Variants in NDRG1 observed in about 807,000 individuals in gnomAD.
The protein encoded by NDRG1 is protein NDRG1.
Under a neutral mutation model 56.9 loss-of-function variants are expected in NDRG1, and 32 were observed. The ratio of observed to expected loss-of-function variants is 0.56; its 90% CI spans 0.42 to 0.76. The LOEUF (loss-of-function observed/expected upper bound fraction) is 0.76, where lower values mean the gene tolerates loss of function less well. Ranked by LOEUF, NDRG1 falls within the 30% of genes least tolerant of loss-of-function variation. The probability of loss-of-function intolerance (pLI) is 0.00; values close to 1 mark genes in which losing one functional copy is unlikely to be tolerated. For missense variants in NDRG1, 507 were observed against 545.7 expected (o/e 0.93, Z 0.71); for synonymous variants, 211 against 204.1 (o/e 1.03, Z -0.29).
chr8:133,240,882 A>G (rs1354995669), intron 15 of NDRG1: 1 of 152,222 alleles, frequency 6.6e-6, no homozygotes, highest in Non-Finnish European at 1.5e-5. Flanking sequence ...GCTGTCTCCA[A>G]TGACAACCTT....
At position 133,284,344 on chromosome 8, in the gene NDRG1, A is replaced by C; in HGVS notation, c.-18-15T>G. On this transcript the variant is annotated splice_polypyrimidine_tract_variant and intron_variant, in intron 1 of 15. Coordinates refer to ENST00000323851, the MANE Select transcript of NDRG1 (RefSeq NM_006096.4). Reference sequence around the variant, plus strand: ...CTGTCACCTGCCTGCAAGGAGACAAAGGCCAAAAGGTCAACACTTCCTGCT... The same window carrying C: ...CTGTCACCTGCCTGCAAGGAGACAACGGCCAAAAGGTCAACACTTCCTGCT... The C allele has an allele frequency of 6.2e-7, 1 of 1,613,608 alleles. No individual in the cohort carries two copies. The highest frequency in any genetic ancestry group is 1.1e-5 in the South Asian group (1 of 91,050).
At chr8:133,250,635 A>C (rs941858595) in intron 9 of NDRG1, 92 bp from the exon 10 acceptor site, 11 of 1,094,380 alleles carry the variant, frequency 1.0e-5, no homozygotes, top group Non-Finnish European at 1.5e-5. Flanking sequence ...TTTGGAGACA[A>C]AGTAAAGATA....
At chr8:133,251,792 A>T (rs183391172) in intron 9 of NDRG1, among the ~76,000 whole-genome samples, 2 of 152,360 alleles carry the variant, frequency 1.3e-5, no homozygotes, top group African/African-American at 4.8e-5. Flanking sequence ...TTGCAGGTGT[A>T]ATTAATTAAG....
intron 2 of NDRG1, among the ~76,000 whole-genome samples, chr8:133,283,837 T>C (rs941250227): frequency 6.6e-6 from 1 of 152,140 alleles, no homozygotes; most frequent in East Asian, 1.9e-4. Flanking sequence ...AGGCAGGCAG[T>C]CCCTATGGGC....
chr8:133,284,345 G>A lies in NDRG1; in HGVS notation c.-18-16C>T, dbSNP rs764744230. 9.9e-6 allele frequency: 16 copies of A among 1,613,568 alleles called. No homozygotes were observed. Among genetic ancestry groups the A allele is most frequent in the Admixed American group, 8.3e-5 (5 of 60,006 alleles). ...TGTCACCTGCCTGCAAGGAGACAAA[G>A]GCCAAAAGGTCAACACTTCCTGCTG... On this transcript the variant is annotated splice_polypyrimidine_tract_variant and intron_variant, in intron 1 of 15. Coordinates refer to ENST00000323851, the MANE Select transcript of NDRG1 (RefSeq NM_006096.4).
chr8:133,246,035 C>T (rs777774487), intron 13 of NDRG1, among the ~76,000 whole-genome samples: 1 of 152,244 alleles, frequency 6.6e-6, no homozygotes, highest in Non-Finnish European at 1.5e-5. Context: ...TGGTCATCTG[C>T]CCCTGCAGGG....
At chr8:133,259,384 C>A (rs1856551138) in intron 5 of NDRG1, 154 bp from the exon 6 acceptor site, 1 of 725,436 alleles carries the variant, frequency 1.4e-6, no homozygotes, top group Non-Finnish European at 2.5e-6. Context: ...ATCCTCCTTC[C>A]AAGACCCCTG....
chr8:133,265,324 A>T (rs1239653008), intron 3 of NDRG1, among the ~76,000 whole-genome samples: 2 of 152,142 alleles, frequency 1.3e-5, no homozygotes, highest in Non-Finnish European at 2.9e-5. Context: ...CAAGGTTGGG[A>T]GGGCTGGATC....
intron 3 of NDRG1, among the ~76,000 whole-genome samples, chr8:133,273,934 G>A (rs747727864): frequency 6.6e-6 from 1 of 151,936 alleles, no homozygotes; most frequent in Non-Finnish European, 1.5e-5. Context: ...AAACACAATT[G>A]CCTAAAACCT....
At position 133,252,546 on chromosome 8, in the gene NDRG1, CT is replaced by C. The variant is rs1303730322; in HGVS notation, c.594+1992del. 7.3e-5 allele frequency among the ~76,000 whole-genome samples: 11 copies of C among 151,564 alleles called. No homozygotes were observed. In the East Asian group the frequency reaches 2.2e-3, roughly 30 times the overall value. On this transcript the variant is annotated intron_variant, in intron 9 of 15. Coordinates refer to ENST00000323851, the MANE Select transcript of NDRG1 (RefSeq NM_006096.4). ...ACACTCGCCAACTCCAGAGTGGGGT[CT>C]CTGTTCCCCTGGTACACTCGCCAAC...
At chr8:133,239,595 T>G (rs978961831) in intron 15 of NDRG1, 1 of 191,788 alleles carries the variant, frequency 5.2e-6, no homozygotes, top group Non-Finnish European at 1.1e-5. Flanking sequence ...ACACGGCAAG[T>G]TCCCGGCATG....
intron 2 of NDRG1, among the ~76,000 whole-genome samples, 158 bp from the exon 3 acceptor site, chr8:133,280,425 CTTTT>C (rs34104549): frequency 1.4e-5 from 2 of 138,274 alleles, no homozygotes; most frequent in Non-Finnish European, 3.1e-5. Flanking sequence ...TTCCTTTTCT[CTTTT>C]TTTTTTTTTT....
rs780505326 is a variant in NDRG1, at chr8:133,254,552, T to C, written c.581A>G (p.His194Arg). ...TQALPDMVVS[H>R]LFGKEEMQSN... is the part of the protein sequence containing the mutation. Reference sequence around the variant, plus strand: ...CACGCAACTCACCTTCCCAAAAAGGTGGGACACCACCATGTCCGGCAGAGC... The same window carrying C: ...CACGCAACTCACCTTCCCAAAAAGGCGGGACACCACCATGTCCGGCAGAGC... The change falls in exon 9 of 16, where the codon CAC (histidine) becomes CGC (arginine). Residue 194 changes from histidine to arginine, a missense_variant. Transcript: ENST00000323851. 2 of 1,613,920 alleles carry C rather than the reference T, an allele frequency of 1.2e-6. No homozygotes were observed. The highest frequency in any genetic ancestry group is 8.5e-7 in the Non-Finnish European group (1 of 1,179,980).
Position 133,259,222 on chromosome 8 carries a change from T to A in NDRG1, c.335A>T (p.Tyr112Phe). The change falls in exon 6 of 16, where the codon TAC (tyrosine) becomes TTC (phenylalanine). Residue 112 changes from tyrosine (Y) to phenylalanine (F), a missense_variant. Physicochemically the swap from Tyr to Phe is conservative, Grantham distance 22 (BLOSUM62 3). Coordinates refer to ENST00000323851, the MANE Select transcript of NDRG1 (RefSeq NM_006096.4). ...GAASFPAGYM[Y>F]PSMDQLAEML... is the part of the protein sequence containing the mutation. ...TTCAGCCAGCTGATCCATGGAGGGG[T>A]ACATGTACCTGGGGATGACACAGAG... 1 of 1,613,854 alleles carries A rather than the reference T, an allele frequency of 6.2e-7. No homozygotes were observed. Among genetic ancestry groups the A allele is most frequent in the Non-Finnish European group, 8.5e-7 (1 of 1,179,972 alleles).
rs551513252 is a variant in NDRG1, at chr8:133,292,395, TGGA to T, written c.-19+4736_-19+4738del. On this transcript the variant is annotated intron_variant, in intron 1 of 15. Transcript: ENST00000323851. ...TGGTCCAAGTTACTTCCTTAATCAG[TGGA>T]GATGTCCTTTCCACCACCACTAACA... Among the ~76,000 whole-genome samples, 11 of 152,232 alleles carry T rather than the reference TGGA, an allele frequency of 7.2e-5. No homozygotes were observed. The South Asian group carries it at 2.3e-3, about 32-fold the overall frequency.
intron 13 of NDRG1, among the ~76,000 whole-genome samples, chr8:133,244,860 A>G (rs2977557): frequency 0.79 from 120,115 of 152,222 alleles, 47,660 homozygotes; most frequent in African/African-American, 0.86. Flanking sequence ...TCAGCTGACC[A>G]GTACCCTTCC....
intron 13 of NDRG1, 101 bp from the exon 14 acceptor site, chr8:133,244,491 C>T (rs1220375480): frequency 7.3e-7 from 1 of 1,366,652 alleles, no homozygotes; most frequent in African/African-American, 1.4e-5. Context: ...CGCTGCCCTG[C>T]CCTGCCTTGT....
At chr8:133,280,370 C>A (rs772801726) in intron 2 of NDRG1, 103 bp from the exon 3 acceptor site, 250 of 1,090,136 alleles carry the variant, frequency 2.3e-4, no homozygotes, top group Non-Finnish European at 3.2e-4. Flanking sequence ...TGTACCTACA[C>A]TTCCTCCTTT....
intron 14 of NDRG1, among the ~76,000 whole-genome samples, chr8:133,242,784 A>G (rs554353776): frequency 1.4e-5 from 1 of 70,916 alleles, no homozygotes; most frequent in East Asian, 2.9e-4. Context: ...GAATTGATGG[A>G]CAAAAGGAAG....
Sources: allele counts gnomAD v4.1 joint callset (sites outside exome capture counted in the v4.1 genomes callset), GRCh38; gene constraint gnomAD v4.1.1; transcripts MANE v1.5; gene names NCBI Gene and HGNC (gene_info 2026-07-23, HGNC 2026-07-21).